The following ABCA13 variants were observed in gnomAD, a reference collection of about 807,000 sequenced individuals.
ABCA13 encodes ATP binding cassette subfamily A member 13, also known as ATP-binding cassette sub-family A member 13.
ABCA13 carries 476 observed loss-of-function variants against 478.7 expected under a neutral mutation model. The observed-to-expected ratio is 0.99, with a 90% CI of 0.92 to 1.07. ABCA13 has a LOEUF of 1.07. ABCA13 is among the 50% of genes least tolerant of loss of function. The pLI is 0.00. For missense variants in ABCA13, 6,060 were observed against 5,910.6 expected (o/e 1.03, Z -0.83); for synonymous variants, 2,252 against 2,158.9 (o/e 1.04, Z -1.20).
At chr7:48,380,847 C>A (rs1462572393) in intron 35 of ABCA13, among the ~76,000 whole-genome samples, 3 of 152,118 alleles carry the variant, frequency 2.0e-5, no homozygotes, top group Admixed American at 1.3e-4. Flanking sequence ...AAGCAAAAAA[C>A]CAATCCAGAG....
At chr7:48,463,275 T>C (rs1826465360) in intron 43 of ABCA13, among the ~76,000 whole-genome samples, 1 of 152,226 alleles carries the variant, frequency 6.6e-6, no homozygotes, top group Non-Finnish European at 1.5e-5. Flanking sequence ...GTATGTTGCC[T>C]ATCAACTGGA....
At chr7:48,302,996 C>T (rs191746673) in intron 23 of ABCA13, among the ~76,000 whole-genome samples, 3 of 152,190 alleles carry the variant, frequency 2.0e-5, no homozygotes, top group East Asian at 1.9e-4. Context: ...TCATCAGAAT[C>T]GGTTACTTTT....
At chr7:48,432,875 A>T (rs1382000594) in intron 42 of ABCA13, among the ~76,000 whole-genome samples, 1 of 152,040 alleles carries the variant, frequency 6.6e-6, no homozygotes, top group African/African-American at 2.4e-5. Context: ...TATATAGGAG[A>T]AATAAGTTCA....
Position 48,223,848 on chromosome 7 carries a change from A to T in ABCA13, c.468+2539A>T, listed in dbSNP as rs147922441. ...ATGGCAGGTGCCTATAATCCCAGCT[A>T]CTCGAGAGGCTGAGGCACGAGAATT... On this transcript the variant is annotated intron_variant, in intron 5 of 61. Transcript: ENST00000435803. Among the ~76,000 whole-genome samples, 84 of 151,436 alleles carry T rather than the reference A, an allele frequency of 5.5e-4. No individual in the cohort carries two copies. The East Asian group carries it at 0.015, about 27-fold the overall frequency.
At chr7:48,188,916 C>G (rs1584047613) in intron 1 of ABCA13, among the ~76,000 whole-genome samples, 1 of 152,192 alleles carries the variant, frequency 6.6e-6, no homozygotes, top group African/African-American at 2.4e-5. Flanking sequence ...GGATGGGAAG[C>G]TCCGGGGTAC....
intron 34 of ABCA13, among the ~76,000 whole-genome samples, chr7:48,376,047 A>G (rs1423503327): frequency 6.6e-6 from 1 of 152,208 alleles, no homozygotes; most frequent in Non-Finnish European, 1.5e-5. Flanking sequence ...ATCCTATTAT[A>G]TATTTTCCAA....
intron 27 of ABCA13, among the ~76,000 whole-genome samples, chr7:48,335,049 A>T (rs770208369): frequency 1.4e-4 from 21 of 152,190 alleles, no homozygotes; most frequent in Non-Finnish European, 2.8e-4. Context: ...TATCCTCAAT[A>T]GTGTTGGGTA....
intron 48 of ABCA13, among the ~76,000 whole-genome samples, chr7:48,503,372 G>A (rs1021886841): frequency 1.3e-5 from 2 of 152,154 alleles, no homozygotes; most frequent in African/African-American, 4.8e-5. Flanking sequence ...TTACAGGTGT[G>A]AGCTACCATG....
intron 59 of ABCA13, among the ~76,000 whole-genome samples, chr7:48,637,357 G>T (rs979038076): frequency 6.0e-5 from 5 of 83,460 alleles, no homozygotes; most frequent in African/African-American, 2.0e-4. Context: ...TCTATGGGGT[G>T]TTTTCTTTAT....
chr7:48,497,941 A>G (rs1830420765), intron 48 of ABCA13, among the ~76,000 whole-genome samples: 1 of 152,134 alleles, frequency 6.6e-6, no homozygotes, highest in African/African-American at 2.4e-5. Context: ...CAGGGTACTG[A>G]GTAGCCGTAT....
intron 34 of ABCA13, among the ~76,000 whole-genome samples, chr7:48,375,771 C>A (rs2117090): frequency 0.2 from 29,895 of 151,930 alleles, 3,468 homozygotes; most frequent in African/African-American, 0.32. Context: ...GATGAGTAAT[C>A]TTGAATGATT....
chr7:48,386,831 G>C (rs938377348), intron 35 of ABCA13, among the ~76,000 whole-genome samples: 1 of 152,168 alleles, frequency 6.6e-6, no homozygotes, highest in African/African-American at 2.4e-5. Context: ...CACGGACAAA[G>C]ATTTCATGAC....
chr7:48,294,658 G>A (rs866562283), intron 20 of ABCA13, among the ~76,000 whole-genome samples: 4 of 151,578 alleles, frequency 2.6e-5, no homozygotes, highest in African/African-American at 9.7e-5. Context: ...TTGTTAGCCA[G>A]GATGGTCTCG....
intron 15 of ABCA13, among the ~76,000 whole-genome samples, chr7:48,253,040 G>A (rs1370759394): frequency 2.0e-5 from 3 of 152,190 alleles, no homozygotes; most frequent in African/African-American, 7.2e-5. Flanking sequence ...AAGCCTAAGT[G>A]TGTGTTTTTA....
intron 59 of ABCA13, among the ~76,000 whole-genome samples, chr7:48,640,968 T>G (rs1165839395): frequency 6.6e-6 from 1 of 152,196 alleles, no homozygotes; most frequent in Non-Finnish European, 1.5e-5. Flanking sequence ...CTGGTAGAAT[T>G]TACTTTTTGT....
At chr7:48,608,947 T>TTTG (rs561500969) in intron 58 of ABCA13, among the ~76,000 whole-genome samples, 11 of 152,124 alleles carry the variant, frequency 7.2e-5, no homozygotes, top group South Asian at 4.1e-4. Flanking sequence ...TACCCTGGGA[T>TTTG]TTGTTGTTGT....
At chr7:48,430,672 TAA>T (rs36121642) in intron 42 of ABCA13, among the ~76,000 whole-genome samples, 15 of 122,788 alleles carry the variant, frequency 1.2e-4, no homozygotes, top group Non-Finnish European at 8.3e-5. Context: ...AGACTCCGTC[TAA>T]AAAAAAAAAA....
chr7:48,528,382 A>C (rs1408844657), intron 55 of ABCA13, 37 bp downstream of exon 55: 21 of 1,410,770 alleles, frequency 1.5e-5, no homozygotes, highest in Non-Finnish European at 1.6e-5. Flanking sequence ...TTGCTTAAAG[A>C]GATAATAAGC....
chr7:48,221,690 CAG>C (rs1333453481), intron 5 of ABCA13, among the ~76,000 whole-genome samples: 5 of 152,330 alleles, frequency 3.3e-5, no homozygotes, highest in Non-Finnish European at 5.9e-5. Flanking sequence ...TAGTTATCAA[CAG>C]GGGGGATTTT....
Sources: gnomAD v4.1 joint callset for allele counts (sites outside exome capture counted in the v4.1 genomes callset) on GRCh38, gnomAD v4.1.1 for gene constraint, MANE v1.5 for transcripts, NCBI Gene and HGNC (gene_info 2026-07-23, HGNC 2026-07-21) for gene names.